SLC6A6: variants seen among roughly 807,000 people sequenced by gnomAD.
SLC6A6 encodes sodium- and chloride-dependent taurine transporter.
Under a neutral mutation model 68.8 loss-of-function variants are expected in SLC6A6, and 16 were observed. That is an observed-to-expected ratio of 0.23 (90% CI 0.16 to 0.35). The LOEUF (loss-of-function observed/expected upper bound fraction) is 0.35, where lower values mean the gene tolerates loss of function less well. Among genes scored for constraint, SLC6A6 ranks in the 10% least tolerant of loss-of-function variants. The pLI is 1.00. For missense variants in SLC6A6, 474 were observed against 802.8 expected (o/e 0.59, Z 4.95); for synonymous variants, 312 against 315.4 (o/e 0.99, Z 0.12).
In SLC6A6 at chr3:14,488,936, T is replaced by A. The variant is rs1382902923; in HGVS notation, c.*3929T>A. ...ATTTTTTTTTTTTACCCAATTAATCTCCCAATCCCTAGCAACTGTGACTCT... is the reference window on the plus strand; with the variant it reads ...ATTTTTTTTTTTTACCCAATTAATCACCCAATCCCTAGCAACTGTGACTCT... On this transcript the variant is annotated 3_prime_UTR_variant, in exon 15 of 15. Coordinates refer to ENST00000622186, the MANE Select transcript of SLC6A6 (RefSeq NM_003043.6). 1 of 152,480 alleles carries A rather than the reference T, an allele frequency of 6.6e-6. No individual in the cohort carries two copies. The highest frequency in any genetic ancestry group is 1.5e-5 in the Non-Finnish European group (1 of 68,020). The allele number at this position is 152,480 out of a possible 1,614,324, so 9.4% of individuals were successfully genotyped here. A position where few individuals can be genotyped will look rare whatever the true frequency, so the allele number is the denominator to read the frequency against.
intron 6 of SLC6A6, among the ~76,000 whole-genome samples, chr3:14,460,185 C>T (rs1230874907): frequency 6.6e-6 from 1 of 152,046 alleles, no homozygotes; most frequent in African/African-American, 2.4e-5. Context: ...TACCGTGTGC[C>T]AGGTGCTTTG....
Position 14,485,932 on chromosome 3 carries a change from GAGA to G in SLC6A6, c.*928_*930del, listed in dbSNP as rs1350893583. ...AGTCCTTCCTGGGGCATTCCAGGCA[GAGA>G]AGGAGCAGAGGCTCTCCCGGCAGGA... On this transcript the variant is annotated 3_prime_UTR_variant, in exon 15 of 15. Coordinates refer to ENST00000622186, the MANE Select transcript of SLC6A6 (RefSeq NM_003043.6). 2 of 152,770 alleles carry G rather than the reference GAGA, an allele frequency of 1.3e-5. No individual in the cohort carries two copies. The highest frequency in any genetic ancestry group is 4.8e-5 in the African/African-American group (2 of 41,458). The allele number at this position is 152,770 out of a possible 1,614,324, so 9.5% of individuals were successfully genotyped here. A position where few individuals can be genotyped will look rare whatever the true frequency, so the allele number is the denominator to read the frequency against.
Position 14,472,447 on chromosome 3 carries a change from G to A in SLC6A6, c.1209+130G>A, listed in dbSNP as rs1045448423. On this transcript the variant is annotated intron_variant, in intron 10 of 14. Coordinates refer to ENST00000622186, the MANE Select transcript of SLC6A6 (RefSeq NM_003043.6). The surrounding 1 kb of genome is among the most constrained non-coding windows in gnomAD (Gnocchi z 4.5). Reference sequence around the variant, plus strand: ...CAGTCAGACTTCCAGTGCTTCAGCTGTGAGGGTTCCTCCAGGACACCAGGA... The same window carrying A: ...CAGTCAGACTTCCAGTGCTTCAGCTATGAGGGTTCCTCCAGGACACCAGGA... 1 of 659,726 alleles carries A rather than the reference G, an allele frequency of 1.5e-6. No individual in the cohort carries two copies. The highest frequency in any genetic ancestry group is 1.8e-5 in the South Asian group (1 of 56,822). 40.9% of individuals were successfully genotyped at this position (659,726 alleles called of 1,614,324 possible).
intron 1 of SLC6A6, among the ~76,000 whole-genome samples, chr3:14,413,173 G>T (rs879428159): frequency 7.2e-5 from 11 of 152,222 alleles, no homozygotes; most frequent in Non-Finnish European, 1.5e-4. Flanking sequence ...CACTGGGGAT[G>T]CTCTGGGCGC....
chr3:14,412,314 G>A (rs1429211567), intron 1 of SLC6A6, among the ~76,000 whole-genome samples: 3 of 152,182 alleles, frequency 2.0e-5, no homozygotes, highest in Non-Finnish European at 4.4e-5. Flanking sequence ...ACGTTGCCTC[G>A]AGGAACAATA....
At position 14,479,045 on chromosome 3, in the gene SLC6A6, G is replaced by A. The variant is rs928840395; in HGVS notation, c.1451-40G>A. On this transcript the variant is annotated intron_variant, in intron 12 of 14. Transcript: ENST00000622186. ...TGGCCCCTGAGCTGCTGCTGGCCTTGAACGCTGTGTCAGAAAATGTCCCCC... is the reference window on the plus strand; with the variant it reads ...TGGCCCCTGAGCTGCTGCTGGCCTTAAACGCTGTGTCAGAAAATGTCCCCC... 13 of 1,382,806 alleles carry A rather than the reference G, an allele frequency of 9.4e-6. No individual in the cohort carries two copies. The African/African-American group carries it at 9.9e-5, about 11-fold the overall frequency. 85.7% of individuals were successfully genotyped at this position (1,382,806 alleles called of 1,614,324 possible).
chr3:14,481,545 G>A lies in SLC6A6; in HGVS notation c.1552-126G>A. 8.9e-6 allele frequency: 6 copies of A among 675,820 alleles called. No individual in the cohort carries two copies. The highest frequency in any genetic ancestry group is 1.6e-5 in the Non-Finnish European group (6 of 386,044). The allele number at this position is 675,820 out of a possible 1,614,324, so 41.9% of individuals were successfully genotyped here. On this transcript the variant is annotated intron_variant, in intron 13 of 14. Coordinates refer to ENST00000622186, the MANE Select transcript of SLC6A6 (RefSeq NM_003043.6). This position sits in a 1 kb window ranked among gnomAD's most constrained non-coding sequence, Gnocchi z 4.7. ...CTTATGGCAGCAGAGAGGGGTGTGA[G>A]TTCTGAGCCAGTCCTTTCCCAAGGA...
intron 9 of SLC6A6, among the ~76,000 whole-genome samples, chr3:14,469,494 C>T (rs190537226): frequency 2.7e-4 from 41 of 152,296 alleles, no homozygotes; most frequent in Admixed American, 2.0e-3. Flanking sequence ...CTCAGCATCG[C>T]GTGTCCAGAT....
At chr3:14,452,219 A>C (rs928433401) in intron 5 of SLC6A6, among the ~76,000 whole-genome samples, 1 of 151,824 alleles carries the variant, frequency 6.6e-6, no homozygotes, top group African/African-American at 2.4e-5. Flanking sequence ...ACAAAGCTCA[A>C]CTCTGGCTCC....
At position 14,438,499 on chromosome 3, in the gene SLC6A6, T is replaced by A. The variant is rs74972661; in HGVS notation, c.-11-5125T>A. On this transcript the variant is annotated intron_variant, in intron 2 of 14. Transcript: ENST00000622186. Reference sequence around the variant, plus strand: ...GGGGCAAGGGGTCCAGCCAGGCACTTGATTCCACAGCAAGCCTAGTGGGCA... The same window carrying A: ...GGGGCAAGGGGTCCAGCCAGGCACTAGATTCCACAGCAAGCCTAGTGGGCA... Among the ~76,000 whole-genome samples, 28 of 152,262 alleles carry A rather than the reference T, an allele frequency of 1.8e-4. No individual in the cohort carries two copies. In the East Asian group the frequency reaches 4.5e-3, roughly 24 times the overall value.
At position 14,417,384 on chromosome 3, in the gene SLC6A6, G is replaced by A. The variant is rs958742368; in HGVS notation, c.-12+931G>A. Reference sequence around the variant, plus strand: ...TCTTCCATTTTTGCTGAATCATTGGGGAGTAAATTGCAGGCATGATGCCCC... The same window carrying A: ...TCTTCCATTTTTGCTGAATCATTGGAGAGTAAATTGCAGGCATGATGCCCC... On this transcript the variant is annotated intron_variant, in intron 2 of 14. Transcript: ENST00000622186. 3.9e-5 allele frequency among the ~76,000 whole-genome samples: 6 copies of A among 152,014 alleles called. No homozygotes were observed. The South Asian group carries it at 1.0e-3, about 26-fold the overall frequency.
chr3:14,463,611 C>T (rs939560017), intron 6 of SLC6A6, among the ~76,000 whole-genome samples: 9 of 152,192 alleles, frequency 5.9e-5, no homozygotes, highest in South Asian at 2.1e-4. Flanking sequence ...CTGGTCGGGG[C>T]GCCTGGCCGC....
intron 2 of SLC6A6, among the ~76,000 whole-genome samples, chr3:14,438,899 C>A (rs1559295552): frequency 6.6e-6 from 1 of 152,192 alleles, no homozygotes; most frequent in Non-Finnish European, 1.5e-5. Context: ...GACGGCAGGG[C>A]AGGTGCAGAG....
In SLC6A6 at chr3:14,488,862, G is replaced by C. The variant is rs923813620; in HGVS notation, c.*3855G>C. ...ACATGTTCTGGCGTGTTCTCCGAGGGATGGAGCATCCTGTTATATATTTGA... is the reference window on the plus strand; with the variant it reads ...ACATGTTCTGGCGTGTTCTCCGAGGCATGGAGCATCCTGTTATATATTTGA... On this transcript the variant is annotated 3_prime_UTR_variant, in exon 15 of 15. Transcript: ENST00000622186. 6.6e-6 allele frequency: 1 copy of C among 152,520 alleles called. No individual in the cohort carries two copies. The highest frequency in any genetic ancestry group is 1.5e-5 in the Non-Finnish European group (1 of 68,032). The allele number at this position is 152,520 out of a possible 1,614,324, so 9.4% of individuals were successfully genotyped here.
chr3:14,448,009 G>A (rs1700169572), intron 5 of SLC6A6, 193 bp downstream of exon 5: 3 of 1,385,040 alleles, frequency 2.2e-6, no homozygotes, highest in Non-Finnish European at 2.8e-6. Context: ...CTTACTGGCT[G>A]TTTGACCTTA....
Position 14,477,702 on chromosome 3 carries a change from C to T in SLC6A6, c.1347+360C>T, listed in dbSNP as rs751240901. Among the ~76,000 whole-genome samples the T allele has an allele frequency of 2.4e-4, 37 of 152,246 alleles. No homozygotes were observed. The highest frequency in any genetic ancestry group is 7.2e-4 in the Admixed American group (11 of 15,300). On this transcript the variant is annotated intron_variant, in intron 11 of 14. Coordinates refer to ENST00000622186, the MANE Select transcript of SLC6A6 (RefSeq NM_003043.6). The surrounding 1 kb of genome is among the most constrained non-coding windows in gnomAD (Gnocchi z 4.2). ...GGGTGGAGACATTCTCAAGGGTAAA[C>T]GCAGGCCTCCCAGGAAATACCACAG...
Position 14,447,775 on chromosome 3 carries a change from C to A in SLC6A6, c.558C>A (p.Ile186=), listed in dbSNP as rs1335864670. 1 of 1,614,240 alleles carries A rather than the reference C, an allele frequency of 6.2e-7. No homozygotes were observed. Among genetic ancestry groups the A allele is most frequent in the East Asian group, 2.2e-5 (1 of 44,880 alleles). Residue 186 remains isoleucine (I), a synonymous_variant, in exon 5 of 15, where the codon ATC becomes ATA. Coordinates refer to ENST00000622186, the MANE Select transcript of SLC6A6 (RefSeq NM_003043.6). ...MRKNKSVWIT[I]SSTNFTSPVI... ...AGAACAAGAGTGTCTGGATCACCATCAGCTCCACCAACTTCACCTCCCCTG... is the reference window on the plus strand; with the variant it reads ...AGAACAAGAGTGTCTGGATCACCATAAGCTCCACCAACTTCACCTCCCCTG...
At chr3:14,457,809 G>A (rs1700403036) in intron 5 of SLC6A6, 141 bp from the exon 6 acceptor site, 1 of 703,722 alleles carries the variant, frequency 1.4e-6, no homozygotes, top group Non-Finnish European at 2.4e-6. Flanking sequence ...GGGATTCCTG[G>A]GTTTGGAAAG....
At chr3:14,474,611 C>G (rs1197576798) in intron 10 of SLC6A6, among the ~76,000 whole-genome samples, 1 of 152,202 alleles carries the variant, frequency 6.6e-6, no homozygotes, top group East Asian at 1.9e-4. Context: ...TGCCTGGGTA[C>G]TATTTTTACC....
Sources: allele counts gnomAD v4.1 joint callset (sites outside exome capture counted in the v4.1 genomes callset), GRCh38; gene constraint gnomAD v4.1.1; non-coding constraint Gnocchi (gnomAD v3.1); transcripts MANE v1.5; gene names NCBI Gene and HGNC (gene_info 2026-07-23, HGNC 2026-07-21).